Variants in ZP2 observed in about 807,000 individuals in gnomAD.
ZP2 encodes the protein zona pellucida glycoprotein 2.
A neutral mutation model predicts 84.0 loss-of-function variants in ZP2; 51 were observed. That is an observed-to-expected ratio of 0.61 (90% CI 0.49 to 0.77). The LOEUF is 0.77. ZP2 is among the 30% of genes least tolerant of loss of function. ZP2 has a pLI of 0.00. For missense variants in ZP2, 909 were observed against 911.9 expected (o/e 1.00, Z 0.04); for synonymous variants, 375 against 330.9 (o/e 1.13, Z -1.45).
intron 4 of ZP2, 130 bp from the exon 5 acceptor site, chr16:21,207,120 A>AT: frequency 4.7e-6 from 5 of 1,066,390 alleles, no homozygotes; most frequent in Non-Finnish European, 6.8e-6. Flanking sequence ...AAGGTACCTC[A>AT]TTCCCGTACC....
chr16:21,209,256 C>G (rs923908751), intron 4 of ZP2, among the ~76,000 whole-genome samples: 1 of 152,192 alleles, frequency 6.6e-6, no homozygotes, highest in Admixed American at 6.5e-5. Context: ...AAACCTCTGT[C>G]CCCTGGGTTT....
chr16:21,201,247 C>A, intron 14 of ZP2, 122 bp downstream of exon 14: 3 of 806,054 alleles, frequency 3.7e-6, no homozygotes, highest in Non-Finnish European at 3.6e-6. Flanking sequence ...AATTAGAAAA[C>A]AAGGACTAAA....
At chr16:21,211,103 A>C (rs1284809407) in intron 2 of ZP2, among the ~76,000 whole-genome samples, 3 of 152,134 alleles carry the variant, frequency 2.0e-5, no homozygotes, top group African/African-American at 7.2e-5. Context: ...AGGGATTGGA[A>C]GGCAGTGCAA....
chr16:21,206,060 C>A lies in ZP2; in HGVS notation c.484-285G>T, dbSNP rs2093248315. 2.1e-5 allele frequency: 9 copies of A among 429,506 alleles called. 1 individual carries two copies. The highest frequency in any genetic ancestry group is 1.5e-4 in the South Asian group (6 of 40,112). The allele number at this position is 429,506 out of a possible 1,614,324, so 26.6% of individuals were successfully genotyped here. On this transcript the variant is annotated intron_variant, in intron 5 of 18. Coordinates refer to ENST00000574091, the MANE Select transcript of ZP2 (RefSeq NM_001376232.1). ...TCGCCCAGGCTGGAGTGCAATGGTG[C>A]AATCTCGGCTCCCTGCAACCTCCGT...
Position 21,204,380 on chromosome 16 carries a change from C to T in ZP2, c.718G>A (p.Val240Met), listed in dbSNP as rs1397610438. Residue 240 changes from valine to methionine, a missense_variant, in exon 8 of 19, where the codon GTG (valine) becomes ATG (methionine). Transcript: ENST00000574091. Reference sequence around the variant, plus strand: ...GATATAAATGTAAGCTTCAGAGACACCATGTAGAGATGACTGTTACCTTGC... The same window carrying T: ...GATATAAATGTAAGCTTCAGAGACATCATGTAGAGATGACTGTTACCTTGC... ...YVQGNSHLYM[V>M]SLKLTFISPG... The T allele has an allele frequency of 2.5e-6, 4 of 1,613,852 alleles. No homozygotes were observed. The South Asian group carries it at 4.4e-5, about 18-fold the overall frequency.
Position 21,211,557 on chromosome 16 carries a change from C to T in ZP2, c.-10G>A, listed in dbSNP as rs1369411364. On this transcript the variant is annotated 5_prime_UTR_variant, in exon 1 of 19. Coordinates refer to ENST00000574091, the MANE Select transcript of ZP2 (RefSeq NM_001376232.1). Reference sequence around the variant, plus strand: ...TCTGCCTGCACGCCATAGCAGAAGACACTACCAGATCAACCAGGTAGAGGG... The same window carrying T: ...TCTGCCTGCACGCCATAGCAGAAGATACTACCAGATCAACCAGGTAGAGGG... 1 of 1,614,120 alleles carries T rather than the reference C, an allele frequency of 6.2e-7. No homozygotes were observed. Among genetic ancestry groups the T allele is most frequent in the Non-Finnish European group, 8.5e-7 (1 of 1,180,026 alleles).
intron 4 of ZP2, 109 bp downstream of exon 4, chr16:21,209,522 T>C: frequency 2.2e-6 from 2 of 922,484 alleles, no homozygotes; most frequent in Non-Finnish European, 3.4e-6. Flanking sequence ...ACCCCCTTGG[T>C]TGAGAGCCAC....
upstream of ZP2, among the ~76,000 whole-genome samples, chr16:21,213,027 T>G (rs1437101691): frequency 6.6e-6 from 1 of 152,166 alleles, no homozygotes; most frequent in Admixed American, 6.5e-5. Context: ...TGATTGCAGT[T>G]TTTGCCGCTA....
In ZP2 at chr16:21,201,960, T is replaced by C; in HGVS notation, c.1351A>G (p.Ser451Gly). ...IHALWTDFPPSKISRDSEFRM... is the reference protein window; with the variant it reads ...IHALWTDFPPGKISRDSEFRM... ...AACTCACTGTCTCTAGATATTTTGC[T>C]TGGAGGAAAATCCGTCCAGAGAGCA... Residue 451 changes from serine to glycine, a missense_variant, in exon 12 of 19, where the codon AGC becomes GGC. By Grantham distance (56) the Ser-to-Gly change is moderately conservative. Coordinates refer to ENST00000574091, the MANE Select transcript of ZP2 (RefSeq NM_001376232.1). 1.2e-6 allele frequency: 2 copies of C among 1,614,094 alleles called. No homozygotes were observed. Among genetic ancestry groups the C allele is most frequent in the Non-Finnish European group, 1.7e-6 (2 of 1,179,970 alleles).
intron 14 of ZP2, 61 bp from the exon 15 acceptor site, chr16:21,199,939 T>C (rs1417478471): frequency 1.2e-6 from 2 of 1,601,022 alleles, no homozygotes; most frequent in African/African-American, 1.3e-5. Flanking sequence ...AAATTCAATG[T>C]CTGCCCAGAT....
chr16:21,213,747 A>G (rs920237980), upstream of ZP2, among the ~76,000 whole-genome samples: 2 of 152,198 alleles, frequency 1.3e-5, no homozygotes, highest in South Asian at 2.1e-4. Flanking sequence ...CAAAATACAG[A>G]TAAGTTTTTG....
chr16:21,210,315 C>G lies in ZP2; in HGVS notation c.152-123G>C, dbSNP rs569512625. On this transcript the variant is annotated intron_variant, in intron 2 of 18. Coordinates refer to ENST00000574091, the MANE Select transcript of ZP2 (RefSeq NM_001376232.1). ...GAGGGAGGCAAGAATCGTCCCCTACCCTGGGAGAGCTCACAAACAAGTGAC... is the reference window on the plus strand; with the variant it reads ...GAGGGAGGCAAGAATCGTCCCCTACGCTGGGAGAGCTCACAAACAAGTGAC... 21 of 718,396 alleles carry G rather than the reference C, an allele frequency of 2.9e-5. No individual in the cohort carries two copies. The East Asian group carries it at 4.4e-4, about 15-fold the overall frequency. 44.5% of individuals were successfully genotyped at this position (718,396 alleles called of 1,614,324 possible). A position where few individuals can be genotyped will look rare whatever the true frequency, so the allele number is the denominator to read the frequency against.
chr16:21,201,918 C>A lies in ZP2; in HGVS notation c.1379+14G>T. ...AAACTAGAGCTTAAGAGTCAAATAG[C>A]AATTTTATCTCACCTGAACTCACTG... On this transcript the variant is annotated intron_variant, in intron 12 of 18. Coordinates refer to ENST00000574091, the MANE Select transcript of ZP2 (RefSeq NM_001376232.1). 1 of 1,613,034 alleles carries A rather than the reference C, an allele frequency of 6.2e-7. No homozygotes were observed. Among genetic ancestry groups the A allele is most frequent in the Non-Finnish European group, 8.5e-7 (1 of 1,179,186 alleles).
intron 2 of ZP2, among the ~76,000 whole-genome samples, chr16:21,211,035 A>G (rs558844672): frequency 6.6e-5 from 10 of 152,164 alleles, no homozygotes; most frequent in Admixed American, 5.2e-4. Context: ...GCTCCTAAAG[A>G]TGAGGGCTTA....
At chr16:21,205,981 C>CTTTCCAGTTGTAAGTTGGG (rs2093247847) in intron 5 of ZP2, 2 of 592,132 alleles carry the variant, frequency 3.4e-6, no homozygotes, top group Non-Finnish European at 6.1e-6. Flanking sequence ...ATCTAAGCTC[C>CTTTCCAGTTGTAAGTTGGG]TTTCCAGTTG....
At chr16:21,212,055 G>T (rs2093277724), upstream of ZP2, among the ~76,000 whole-genome samples, 1 of 151,862 alleles carries the variant, frequency 6.6e-6, no homozygotes, top group African/African-American at 2.4e-5. Flanking sequence ...AGCCTCCTGA[G>T]TAGCTGGGAT....
At chr16:21,207,031 AC>A (rs1567215779) in intron 4 of ZP2, 41 bp from the exon 5 acceptor site, 2 of 1,608,834 alleles carry the variant, frequency 1.2e-6, no homozygotes, top group East Asian at 2.2e-5. Flanking sequence ...TAAGTACTGT[AC>A]CCCCATGGGA....
At chr16:21,203,538 T>C (rs1358089897) in intron 9 of ZP2, among the ~76,000 whole-genome samples, 2 of 152,224 alleles carry the variant, frequency 1.3e-5, no homozygotes, top group Non-Finnish European at 2.9e-5. Context: ...AGTGGAATCC[T>C]CTGCCAAGCC....
rs760825997 is a variant in ZP2, at chr16:21,205,443, C to A, written c.670G>T (p.Ala224Ser). The A allele has an allele frequency of 1.2e-6, 2 of 1,614,078 alleles. No homozygotes were observed. The highest frequency in any genetic ancestry group is 3.3e-5 in the Admixed American group (2 of 60,006). Residue 224 changes from alanine to serine, a missense_variant, in exon 7 of 19, where the codon GCC becomes TCC. Ala to Ser is a moderately conservative substitution (Grantham distance 99). Transcript: ENST00000574091. ...ACCACATAGTGAGTCACTCCAGTGGCATTGAATGGCACATGGAAGGTCATC... is the reference window on the plus strand; with the variant it reads ...ACCACATAGTGAGTCACTCCAGTGGAATTGAATGGCACATGGAAGGTCATC... ...HRMTFHVPFN[A>S]TGVTHYVQGN...
Sources: gnomAD v4.1 joint callset for allele counts (sites outside exome capture counted in the v4.1 genomes callset) on GRCh38, gnomAD v4.1.1 for gene constraint, MANE v1.5 for transcripts, NCBI Gene and HGNC (gene_info 2026-07-23, HGNC 2026-07-21) for gene names.